SNX29: variants seen among roughly 807,000 people sequenced by gnomAD.
The protein encoded by SNX29 is sorting nexin 29.
In SNX29, 78 loss-of-function variants were observed where a neutral mutation model predicts 102.1. The ratio of observed to expected loss-of-function variants is 0.76; its 90% confidence interval spans 0.64 to 0.92. The LOEUF (loss-of-function observed/expected upper bound fraction) is 0.92, where lower values mean the gene tolerates loss of function less well. SNX29 is among the 40% of genes least tolerant of loss of function. The pLI is 0.00. For missense variants in SNX29, 1,280 were observed against 1,061.7 expected, an observed-to-expected ratio of 1.21 and a Z score of -2.86; for synonymous variants, 580 against 414.5, an observed-to-expected ratio of 1.40 and a Z score of -4.85.
intron 18 of SNX29, among the ~76,000 whole-genome samples, chr16:12,468,444 G>A (rs758135353): frequency 5.0e-4 from 76 of 152,250 alleles, no homozygotes; most frequent in Non-Finnish European, 8.1e-4. Context: ...GATTACAGGT[G>A]TGAGCCACCA....
At chr16:12,538,023 C>A (rs1483168109) in intron 20 of SNX29, among the ~76,000 whole-genome samples, 2 of 151,602 alleles carry the variant, frequency 1.3e-5, no homozygotes, top group Non-Finnish European at 2.9e-5. Flanking sequence ...ATTTATAGAC[C>A]AAAATCGTCC....
chr16:12,534,888 A>C (rs1406338643), intron 20 of SNX29, among the ~76,000 whole-genome samples: 1 of 152,116 alleles, frequency 6.6e-6, no homozygotes, highest in Non-Finnish European at 1.5e-5. Context: ...ACGAGAATCT[A>C]GTGGGTAGAG....
intron 19 of SNX29, among the ~76,000 whole-genome samples, chr16:12,507,216 C>G (rs2089418250): frequency 6.6e-6 from 1 of 152,206 alleles, no homozygotes; most frequent in South Asian, 2.1e-4. Context: ...GGGTCTGACT[C>G]CTGGCCTGGG....
chr16:12,558,779 A>C lies in SNX29; in HGVS notation c.2319-9727A>C, dbSNP rs1189417151. Reference sequence around the variant, plus strand: ...ATTGGGTGATCATCCCGCATTGTACAACCTGAAGCAGTTTATCTGCCTGAT... The same window carrying C: ...ATTGGGTGATCATCCCGCATTGTACCACCTGAAGCAGTTTATCTGCCTGAT... On this transcript the variant is annotated intron_variant, in intron 20 of 20. Coordinates refer to ENST00000566228, the MANE Select transcript of SNX29 (RefSeq NM_032167.5). Among the ~76,000 whole-genome samples the C allele has an allele frequency of 2.0e-5, 3 of 152,314 alleles. No homozygotes were observed. In the South Asian group the frequency reaches 6.2e-4, roughly 32 times the overall value.
chr16:12,120,439 C>T (rs1051710222), intron 11 of SNX29, among the ~76,000 whole-genome samples: 12 of 152,214 alleles, frequency 7.9e-5, no homozygotes, highest in Non-Finnish European at 1.6e-4. Context: ...TGCGTCCACA[C>T]GTCACCCTGT....
chr16:12,448,830 C>G (rs2086177392), intron 18 of SNX29, among the ~76,000 whole-genome samples: 1 of 152,180 alleles, frequency 6.6e-6, no homozygotes. Flanking sequence ...TTGCATCCAG[C>G]TCTACCCATT....
chr16:12,259,071 GC>G (rs1384648757), intron 14 of SNX29, among the ~76,000 whole-genome samples: 2 of 151,968 alleles, frequency 1.3e-5, no homozygotes, highest in Non-Finnish European at 2.9e-5. Context: ...TCTCTCTCCT[GC>G]CCTCTGCTTC....
chr16:12,022,499 C>G (rs1596617492), intron 3 of SNX29, among the ~76,000 whole-genome samples: 2 of 152,158 alleles, frequency 1.3e-5, no homozygotes, highest in Non-Finnish European at 2.9e-5. Context: ...CAACGCCCAG[C>G]CAATTTTTGT....
Position 12,572,058 on chromosome 16 carries a change from C to G in SNX29, c.*3429C>G. 1.9e-6 allele frequency: 2 copies of G among 1,063,378 alleles called. No homozygotes were observed. Among genetic ancestry groups the G allele is most frequent in the Non-Finnish European group, 2.3e-6 (2 of 878,122 alleles). The allele number at this position is 1,063,378 out of a possible 1,614,324, so 65.9% of individuals were successfully genotyped here. A position where few individuals can be genotyped will look rare whatever the true frequency, so the allele number is the denominator to read the frequency against. ...TCCAGTGGAGTTGTAAACAAGGGAACCATCTTGCAAGATCTAGGAAGAGGA... is the reference window on the plus strand; with the variant it reads ...TCCAGTGGAGTTGTAAACAAGGGAAGCATCTTGCAAGATCTAGGAAGAGGA... On this transcript the variant is annotated 3_prime_UTR_variant, in exon 21 of 21. Coordinates refer to ENST00000566228, the MANE Select transcript of SNX29 (RefSeq NM_032167.5).
chr16:12,558,913 T>G (rs552066591), intron 20 of SNX29, among the ~76,000 whole-genome samples: 1 of 152,218 alleles, frequency 6.6e-6, no homozygotes, highest in Non-Finnish European at 1.5e-5. Context: ...GAAAGCATTG[T>G]CTTGTTTAAT....
chr16:12,358,809 G>A (rs2082219201), intron 16 of SNX29, among the ~76,000 whole-genome samples: 1 of 152,162 alleles, frequency 6.6e-6, no homozygotes, highest in Non-Finnish European at 1.5e-5. Flanking sequence ...TCCATAAAAG[G>A]CCCAGGAAGA....
intron 14 of SNX29, among the ~76,000 whole-genome samples, chr16:12,217,596 G>A (rs540289929): frequency 3.3e-4 from 51 of 152,296 alleles, no homozygotes; most frequent in African/African-American, 8.9e-4. Flanking sequence ...GGTGAAACAG[G>A]ATTGATCCTT....
chr16:12,042,968 C>T lies in SNX29; in HGVS notation c.319C>T (p.His107Tyr). ...HELQRFYSLRHIASDVGRGRA... is the reference protein window; with the variant it reads ...HELQRFYSLRYIASDVGRGRA... ...GCTGCAGCGCTTCTACTCCCTGCGCCACATCGCCTCAGACGTGGGCCGGGG... is the reference window on the plus strand; with the variant it reads ...GCTGCAGCGCTTCTACTCCCTGCGCTACATCGCCTCAGACGTGGGCCGGGG... Residue 107 changes from histidine to tyrosine, a missense_variant, in exon 5 of 21, where the codon CAC (histidine) becomes TAC (tyrosine). Transcript: ENST00000566228. 6.2e-7 allele frequency: 1 copy of T among 1,613,928 alleles called. No homozygotes were observed. The highest frequency in any genetic ancestry group is 8.5e-7 in the Non-Finnish European group (1 of 1,179,872).
intron 15 of SNX29, among the ~76,000 whole-genome samples, chr16:12,321,398 C>G (rs964061214): frequency 6.6e-6 from 1 of 152,202 alleles, no homozygotes; most frequent in African/African-American, 2.4e-5. Context: ...GAATTTAGCC[C>G]CCACACTTCC....
intron 20 of SNX29, among the ~76,000 whole-genome samples, chr16:12,561,362 A>C (rs963097508): frequency 6.6e-6 from 1 of 152,140 alleles, no homozygotes; most frequent in Non-Finnish European, 1.5e-5. Context: ...CTTATGAGGG[A>C]GCTAGGTCGT....
At chr16:12,496,441 T>A (rs2088827898) in intron 19 of SNX29, among the ~76,000 whole-genome samples, 1 of 151,740 alleles carries the variant, frequency 6.6e-6, no homozygotes, top group Non-Finnish European at 1.5e-5. Context: ...GCTGGGCCCT[T>A]CGCTGGAGCA....
chr16:12,517,022 A>G (rs1390982495), intron 19 of SNX29, among the ~76,000 whole-genome samples: 1 of 152,200 alleles, frequency 6.6e-6, no homozygotes, highest in Non-Finnish European at 1.5e-5. Flanking sequence ...ATTCCTATTA[A>G]AATTGTCTCG....
In SNX29 at chr16:12,572,529, A is replaced by C; in HGVS notation, c.*3900A>C. 1.9e-6 allele frequency: 2 copies of C among 1,063,706 alleles called. No individual in the cohort carries two copies. The highest frequency in any genetic ancestry group is 2.3e-6 in the Non-Finnish European group (2 of 878,446). The allele number at this position is 1,063,706 out of a possible 1,614,324, so 65.9% of individuals were successfully genotyped here. A position where few individuals can be genotyped will look rare whatever the true frequency, so the allele number is the denominator to read the frequency against. On this transcript the variant is annotated 3_prime_UTR_variant, in exon 21 of 21. Coordinates refer to ENST00000566228, the MANE Select transcript of SNX29 (RefSeq NM_032167.5). ...TCCTGCTCCACGTGCTCAAGCCCCC[A>C]CAGGGGGCTGCGACACCATCTGGCT... is the stretch of plus-strand genomic sequence containing the variant.
At chr16:12,380,376 CCACCCACCCACCCACCCCTCATCCA>C (rs2083033445) in intron 16 of SNX29, among the ~76,000 whole-genome samples, 1 of 75,652 alleles carries the variant, frequency 1.3e-5, no homozygotes, top group African/African-American at 4.7e-5. Flanking sequence ...CTCCACTTAT[CCACCCACCCACCCACCCCTCATCCA>C]TCCACCCACC....
Sources: gnomAD v4.1 joint callset for allele counts (sites outside exome capture counted in the v4.1 genomes callset) on GRCh38, gnomAD v4.1.1 for gene constraint, MANE v1.5 for transcripts, NCBI Gene and HGNC (gene_info 2026-07-23, HGNC 2026-07-21) for gene names.